The following OLFM3 variants were observed in gnomAD, a reference collection of about 807,000 sequenced individuals.
The protein encoded by OLFM3 is olfactomedin 3, also known as noelin-3.
OLFM3 carries 20 observed loss-of-function variants against 48.6 expected under a neutral mutation model. The ratio of observed to expected loss-of-function variants is 0.41; its 90% CI spans 0.29 to 0.60. The LOEUF is 0.60. Among genes scored for constraint, OLFM3 ranks in the 20% least tolerant of loss-of-function variants. The probability of loss-of-function intolerance (pLI) is 0.28; values close to 1 mark genes in which losing one functional copy is unlikely to be tolerated. For missense variants in OLFM3, 437 were observed against 544.3 expected (o/e 0.80, Z 1.96); for synonymous variants, 222 against 198.1 (o/e 1.12, Z -1.01).
intron 1 of OLFM3, among the ~76,000 whole-genome samples, chr1:101,954,343 A>G (rs1660227579): frequency 6.6e-6 from 1 of 152,070 alleles, no homozygotes; most frequent in African/African-American, 2.4e-5. Context: ...AATTTCTTCT[A>G]CCTATAAGTT....
chr1:101,954,296 A>G (rs937538833), intron 1 of OLFM3, among the ~76,000 whole-genome samples: 6 of 152,100 alleles, frequency 3.9e-5, no homozygotes, highest in African/African-American at 1.4e-4. Context: ...CTTTCATTGT[A>G]AAAGGATTTA....
chr1:101,857,731 C>T (rs1185687587), intron 1 of OLFM3, among the ~76,000 whole-genome samples: 3 of 151,850 alleles, frequency 2.0e-5, no homozygotes, highest in African/African-American at 7.3e-5. Context: ...TTCACTTTCA[C>T]CAAACTTTAT....
At chr1:101,956,074 A>G (rs1456903233) in intron 1 of OLFM3, among the ~76,000 whole-genome samples, 1 of 129,314 alleles carries the variant, frequency 7.7e-6, no homozygotes, top group Non-Finnish European at 1.5e-5. Flanking sequence ...TCTCAATTCA[A>G]CACAATAACA....
At chr1:101,986,353 T>C (rs1017528734) in intron 1 of OLFM3, among the ~76,000 whole-genome samples, 2 of 152,140 alleles carry the variant, frequency 1.3e-5, no homozygotes, top group African/African-American at 4.8e-5. Flanking sequence ...ATACTCATCT[T>C]GTACATGAGG....
At chr1:101,980,703 T>C (rs1206157852) in intron 1 of OLFM3, among the ~76,000 whole-genome samples, 1 of 152,200 alleles carries the variant, frequency 6.6e-6, no homozygotes, top group Non-Finnish European at 1.5e-5. Flanking sequence ...AGGGTAAATA[T>C]GGCCCAGAGT....
intron 1 of OLFM3, among the ~76,000 whole-genome samples, chr1:101,959,731 C>A (rs113158537): frequency 2.6e-5 from 4 of 152,228 alleles, no homozygotes; most frequent in African/African-American, 9.6e-5. Context: ...CCGTATAAGG[C>A]AGCATTAATC....
chr1:101,905,150 C>T (rs1216233095), intron 1 of OLFM3, among the ~76,000 whole-genome samples: 3 of 152,110 alleles, frequency 2.0e-5, no homozygotes, highest in Non-Finnish European at 2.9e-5. Context: ...AGTCTTCAAT[C>T]AGCTACTCTT....
chr1:101,836,325 A>T (rs560666670), intron 2 of OLFM3, among the ~76,000 whole-genome samples: 5 of 152,246 alleles, frequency 3.3e-5, no homozygotes, highest in Non-Finnish European at 7.3e-5. Context: ...AATCAAAGAC[A>T]TTCTGCATTT....
chr1:101,881,372 T>C (rs1302156485), intron 1 of OLFM3, among the ~76,000 whole-genome samples: 1 of 151,854 alleles, frequency 6.6e-6, no homozygotes. Context: ...CTTAGAGCTC[T>C]TCAATCCTAA....
intron 4 of OLFM3, among the ~76,000 whole-genome samples, chr1:101,821,563 C>G (rs190297006): frequency 6.6e-6 from 1 of 151,972 alleles, no homozygotes; most frequent in Non-Finnish European, 1.5e-5. Flanking sequence ...CCTCTTTGCT[C>G]AGGAGATGCT....
At chr1:101,920,816 C>T (rs1363676962) in intron 1 of OLFM3, among the ~76,000 whole-genome samples, 1 of 152,200 alleles carries the variant, frequency 6.6e-6, no homozygotes, top group Non-Finnish European at 1.5e-5. Flanking sequence ...AGTCTGGCTG[C>T]TGCTAACAGC....
intron 4 of OLFM3, among the ~76,000 whole-genome samples, chr1:101,810,559 A>C (rs139522162): frequency 6.6e-6 from 1 of 152,082 alleles, no homozygotes; most frequent in East Asian, 1.9e-4. Context: ...TAAAGCAAAA[A>C]TCACATTTAT....
intron 4 of OLFM3, among the ~76,000 whole-genome samples, chr1:101,818,627 C>A (rs1013585155): frequency 1.3e-5 from 2 of 152,064 alleles, no homozygotes; most frequent in African/African-American, 4.8e-5. Flanking sequence ...TCACTGAGAT[C>A]TTTCGTGTCT....
chr1:101,947,532 G>C (rs1659998232), intron 1 of OLFM3, among the ~76,000 whole-genome samples: 1 of 152,186 alleles, frequency 6.6e-6, no homozygotes, highest in Admixed American at 6.5e-5. Flanking sequence ...TACTTGGGAG[G>C]CTGAGGAGGG....
At chr1:101,832,252 T>C (rs1386334985) in intron 2 of OLFM3, among the ~76,000 whole-genome samples, 1 of 152,206 alleles carries the variant, frequency 6.6e-6, no homozygotes, top group African/African-American at 2.4e-5. Context: ...AAAAGTTATT[T>C]TCATTGAAAA....
At chr1:101,912,597 G>A (rs1658796850) in intron 1 of OLFM3, among the ~76,000 whole-genome samples, 1 of 152,214 alleles carries the variant, frequency 6.6e-6, no homozygotes, top group African/African-American at 2.4e-5. Flanking sequence ...GGGGATATAA[G>A]ACAGAGGTTG....
At chr1:101,853,984 T>C (rs530552527) in intron 1 of OLFM3, among the ~76,000 whole-genome samples, 1 of 152,188 alleles carries the variant, frequency 6.6e-6, no homozygotes, top group East Asian at 1.9e-4. Flanking sequence ...ATGGAAGCAA[T>C]CTTTTCTTCT....
At chr1:101,848,693 T>C (rs1177949521) in intron 1 of OLFM3, among the ~76,000 whole-genome samples, 1 of 152,178 alleles carries the variant, frequency 6.6e-6, no homozygotes, top group Non-Finnish European at 1.5e-5. Context: ...TTTACATTAG[T>C]ATTACAATGT....
intron 1 of OLFM3, among the ~76,000 whole-genome samples, chr1:101,988,107 T>A (rs898314024): frequency 6.6e-6 from 1 of 152,036 alleles, no homozygotes; most frequent in Non-Finnish European, 1.5e-5. Context: ...ACTAAGATAA[T>A]AATTTAAACA....
Sources: allele counts gnomAD v4.1 joint callset (sites outside exome capture counted in the v4.1 genomes callset), GRCh38; gene constraint gnomAD v4.1.1; transcripts MANE v1.5; gene names NCBI Gene and HGNC (gene_info 2026-07-23, HGNC 2026-07-21).